The following SNTG1 variants were observed in gnomAD, a reference collection of about 807,000 sequenced individuals.
SNTG1 encodes the protein syntrophin gamma 1, also known as gamma-1-syntrophin.
Under a neutral mutation model 74.7 loss-of-function variants are expected in SNTG1, and 39 were observed. That is an observed-to-expected ratio of 0.52 (90% CI 0.40 to 0.68). The LOEUF (loss-of-function observed/expected upper bound fraction) is 0.68. Among genes scored for constraint, SNTG1 ranks in the 30% least tolerant of loss-of-function variants. The pLI is 0.00. For synonymous variants in SNTG1, 254 were observed against 217.1 expected (o/e 1.17, Z -1.49); for missense variants, 685 against 609.5 (o/e 1.12, Z -1.30).
chr8:50,426,612 T>C (rs1193323327), intron 4 of SNTG1, among the ~76,000 whole-genome samples: 1 of 151,860 alleles, frequency 6.6e-6, no homozygotes, highest in Non-Finnish European at 1.5e-5. Flanking sequence ...GTAAAAAATG[T>C]TACAATAGGC....
At chr8:50,432,407 G>A (rs1034628098) in intron 4 of SNTG1, among the ~76,000 whole-genome samples, 3 of 151,688 alleles carry the variant, frequency 2.0e-5, no homozygotes, top group Non-Finnish European at 4.4e-5. Flanking sequence ...GCCATGTTGT[G>A]TTGTGTACTA....
intron 1 of SNTG1, among the ~76,000 whole-genome samples, chr8:49,996,302 A>G (rs1814210610): frequency 6.6e-6 from 1 of 152,096 alleles, no homozygotes; most frequent in African/African-American, 2.4e-5. Flanking sequence ...CTTGGAAATA[A>G]GGATTGTACC....
intron 1 of SNTG1, among the ~76,000 whole-genome samples, chr8:50,138,270 A>T (rs2081540822): frequency 6.6e-6 from 1 of 151,996 alleles, no homozygotes; most frequent in Non-Finnish European, 1.5e-5. Context: ...AGAAAAAAAA[A>T]CAGCAATTGA....
At chr8:50,779,142 C>A (rs1306523076) in intron 18 of SNTG1, among the ~76,000 whole-genome samples, 1 of 152,120 alleles carries the variant, frequency 6.6e-6, no homozygotes, top group Admixed American at 6.5e-5. Flanking sequence ...AGTGTGATGC[C>A]TCCAGCTCTG....
At chr8:49,962,010 A>C (rs1329954520) in intron 1 of SNTG1, among the ~76,000 whole-genome samples, 2 of 152,218 alleles carry the variant, frequency 1.3e-5, no homozygotes, top group African/African-American at 4.8e-5. Flanking sequence ...GCAGCCGGAC[A>C]AACATTCTCC....
chr8:49,957,488 G>A (rs1810281760), intron 1 of SNTG1, among the ~76,000 whole-genome samples: 1 of 152,138 alleles, frequency 6.6e-6, no homozygotes, highest in African/African-American at 2.4e-5. Flanking sequence ...CATGTAGGGG[G>A]GTAAGTGTGT....
intron 1 of SNTG1, among the ~76,000 whole-genome samples, chr8:50,033,339 G>T (rs1253709295): frequency 6.6e-6 from 1 of 152,024 alleles, no homozygotes; most frequent in Non-Finnish European, 1.5e-5. Flanking sequence ...GGTCAGGCTG[G>T]TCTCGAACTC....
chr8:50,231,480 C>T (rs752801879), intron 2 of SNTG1, among the ~76,000 whole-genome samples: 2 of 151,048 alleles, frequency 1.3e-5, no homozygotes, highest in Non-Finnish European at 3.0e-5. Context: ...TTGAATAAAC[C>T]TAAGTGTCTA....
At chr8:50,634,040 T>C (rs930017660) in intron 13 of SNTG1, among the ~76,000 whole-genome samples, 2 of 152,210 alleles carry the variant, frequency 1.3e-5, no homozygotes, top group African/African-American at 4.8e-5. Context: ...CTACCAGTGG[T>C]TCAGCTAAGC....
chr8:49,922,494 T>A (rs1230222513), intron 1 of SNTG1, among the ~76,000 whole-genome samples: 1 of 152,016 alleles, frequency 6.6e-6, no homozygotes. Flanking sequence ...AGCATTTACA[T>A]TGAGTCACAG....
At chr8:50,689,930 G>T (rs113081775) in intron 15 of SNTG1, among the ~76,000 whole-genome samples, 31,271 of 152,072 alleles carry the variant, frequency 0.21, 3,314 homozygotes, top group South Asian at 0.31. Flanking sequence ...TTCAGAGCCT[G>T]TTATTGGTCT....
chr8:50,223,772 T>TAATTTTTTTA (rs1441587162), intron 2 of SNTG1, among the ~76,000 whole-genome samples: 1 of 152,144 alleles, frequency 6.6e-6, no homozygotes, highest in African/African-American at 2.4e-5. Flanking sequence ...TAGAGAAGAA[T>TAATTTTTTTA]AATTTTTTTA....
chr8:50,279,543 C>T (rs924141582), intron 2 of SNTG1, among the ~76,000 whole-genome samples: 1 of 152,050 alleles, frequency 6.6e-6, no homozygotes, highest in Non-Finnish European at 1.5e-5. Flanking sequence ...TGTTTATGTG[C>T]ATTTTTAAAG....
chr8:50,125,588 AC>A (rs1179226109), intron 1 of SNTG1, among the ~76,000 whole-genome samples: 1 of 142,006 alleles, frequency 7.0e-6, no homozygotes, highest in Non-Finnish European at 1.6e-5. Flanking sequence ...TACTAAGGCA[AC>A]CATTGTAATA....
At chr8:50,652,365 A>G (rs1430909246) in intron 13 of SNTG1, among the ~76,000 whole-genome samples, 2 of 152,206 alleles carry the variant, frequency 1.3e-5, no homozygotes, top group Non-Finnish European at 2.9e-5. Flanking sequence ...TGAATTGTTC[A>G]AAACCTCTAT....
intron 12 of SNTG1, among the ~76,000 whole-genome samples, chr8:50,584,804 C>T (rs1203734563): frequency 6.6e-6 from 1 of 152,080 alleles, no homozygotes; most frequent in Non-Finnish European, 1.5e-5. Flanking sequence ...TGATCTGGCA[C>T]CGACCACAAC....
At chr8:50,222,669 G>A (rs978195999) in intron 2 of SNTG1, among the ~76,000 whole-genome samples, 3 of 152,108 alleles carry the variant, frequency 2.0e-5, no homozygotes, top group Non-Finnish European at 4.4e-5. Flanking sequence ...TGCCGCTAGG[G>A]ATTGCCAAGG....
chr8:50,423,430 T>G (rs1240890094), intron 4 of SNTG1, among the ~76,000 whole-genome samples: 1 of 152,254 alleles, frequency 6.6e-6, no homozygotes, highest in Non-Finnish European at 1.5e-5. Flanking sequence ...TTTTATAATT[T>G]AATTATCCCT....
chr8:49,972,954 G>A lies in SNTG1; in HGVS notation c.-103+60723G>A, dbSNP rs530320326. The stretch of plus-strand genomic sequence containing the variant: ...ATTCAACCATTGTGGAAGTTGGTGT[G>A]GCGATTCCTCAGGGATCTAGAACTA... On this transcript the variant is annotated intron_variant, in intron 1 of 18. Transcript: ENST00000642720. Among the ~76,000 whole-genome samples the A allele has an allele frequency of 3.7e-3, 567 of 152,290 alleles. 6 individuals are homozygous for A. The highest frequency in any genetic ancestry group is 0.011 in the African/African-American group (469 of 41,542).
Sources: allele counts gnomAD v4.1 joint callset (sites outside exome capture counted in the v4.1 genomes callset), GRCh38; gene constraint gnomAD v4.1.1; transcripts MANE v1.5; gene names NCBI Gene and HGNC (gene_info 2026-07-23, HGNC 2026-07-21).